Variants in ATP8A2 observed in about 807,000 individuals in gnomAD.
ATP8A2 encodes phospholipid-transporting ATPase IB.
Under a neutral mutation model 165.6 loss-of-function variants are expected in ATP8A2, and 100 were observed. That is an observed-to-expected ratio of 0.60 (90% CI 0.51 to 0.71). The LOEUF is 0.71. Ranked by LOEUF, ATP8A2 falls within the 30% of genes least tolerant of loss-of-function variation. The pLI is 0.00. For synonymous variants in ATP8A2, 543 were observed against 548.8 expected (o/e 0.99, Z 0.15); for missense variants, 1,227 against 1,479.5 (o/e 0.83, Z 2.80).
intron 34 of ATP8A2, among the ~76,000 whole-genome samples, chr13:25,963,799 A>C (rs1181248367): frequency 1.3e-5 from 2 of 152,210 alleles, no homozygotes; most frequent in East Asian, 3.9e-4. Context: ...GTGCGTTCTG[A>C]GTAATCATTC....
At chr13:25,577,752 T>G (rs6491068) in intron 20 of ATP8A2, among the ~76,000 whole-genome samples, 91,350 of 152,024 alleles carry the variant, frequency 0.6, 29,060 homozygotes, top group Middle Eastern at 0.71. Flanking sequence ...CTGTTAAATT[T>G]TAGTCTTATG....
chr13:25,388,564 C>T (rs764936186), intron 1 of ATP8A2, among the ~76,000 whole-genome samples: 2 of 152,116 alleles, frequency 1.3e-5, no homozygotes, highest in Non-Finnish European at 2.9e-5. Context: ...TGGAGCAGAA[C>T]AGGACAGGGA....
chr13:25,524,339 G>C (rs935222968), intron 2 of ATP8A2, among the ~76,000 whole-genome samples: 2 of 152,168 alleles, frequency 1.3e-5, no homozygotes, highest in African/African-American at 4.8e-5. Context: ...TTCTGCAGCA[G>C]TTGGGTGAAA....
intron 2 of ATP8A2, among the ~76,000 whole-genome samples, chr13:25,492,761 G>A (rs1213506773): frequency 1.3e-5 from 2 of 152,178 alleles, no homozygotes; most frequent in Non-Finnish European, 2.9e-5. Flanking sequence ...TCGTGGTGGG[G>A]AAAGTGTTTC....
At chr13:25,625,130 G>A (rs755792892) in intron 24 of ATP8A2, among the ~76,000 whole-genome samples, 24 of 152,190 alleles carry the variant, frequency 1.6e-4, no homozygotes, top group Admixed American at 5.9e-4. Context: ...ATTAGTTGTG[G>A]ATCTGAGGAT....
chr13:25,977,322 C>G (rs908204149), intron 35 of ATP8A2, among the ~76,000 whole-genome samples: 1 of 152,078 alleles, frequency 6.6e-6, no homozygotes, highest in African/African-American at 2.4e-5. Flanking sequence ...AGCTGGAGAG[C>G]CAACGACGCT....
rs544808422 is a variant in ATP8A2 at position 25,417,570 on chromosome 13, C to T, written c.76+45282C>T. Among the ~76,000 whole-genome samples, 156 of 100,516 alleles carry T rather than the reference C, an allele frequency of 1.6e-3. 1 individual carries two copies. The highest frequency in any genetic ancestry group is 5.2e-3 in the African/African-American group (138 of 26,682). 65.9% of individuals were successfully genotyped at this position (100,516 alleles called of 152,430 possible). A position where few individuals can be genotyped will look rare whatever the true frequency, so the allele number is the denominator to read the frequency against. ...CACTCCAAATTTGATAATTCTATAG[C>T]CCAATTGTTCAATTTAGACTTGTTA... On this transcript the variant is annotated intron_variant, in intron 1 of 36. Transcript: ENST00000381655.
At chr13:25,401,636 CAGT>C (rs1463596522) in intron 1 of ATP8A2, among the ~76,000 whole-genome samples, 6 of 152,080 alleles carry the variant, frequency 3.9e-5, no homozygotes, top group African/African-American at 1.2e-4. Context: ...AGGGAAAAAG[CAGT>C]AGATGTGTCC....
intron 27 of ATP8A2, among the ~76,000 whole-genome samples, chr13:25,786,456 T>C (rs1474234708): frequency 6.6e-6 from 1 of 152,222 alleles, no homozygotes; most frequent in Non-Finnish European, 1.5e-5. Context: ...CAGTGAAATA[T>C]TGATCAAAAT....
chr13:25,793,242 A>G (rs2045228349), intron 27 of ATP8A2, among the ~76,000 whole-genome samples: 1 of 152,228 alleles, frequency 6.6e-6, no homozygotes. Flanking sequence ...AGTGACCATC[A>G]GTACAAAGAC....
intron 35 of ATP8A2, among the ~76,000 whole-genome samples, chr13:26,009,547 T>A (rs1956802605): frequency 6.6e-6 from 1 of 152,156 alleles, no homozygotes; most frequent in African/African-American, 2.4e-5. Context: ...TATGGTCTAC[T>A]TTTAGGGGGA....
At chr13:25,596,657 C>T (rs75829829) in intron 24 of ATP8A2, among the ~76,000 whole-genome samples, 1,840 of 152,118 alleles carry the variant, frequency 0.012, 15 homozygotes, top group Non-Finnish European at 0.017. Context: ...TTTGTTTATT[C>T]GTTCACCTGT....
At chr13:25,714,935 TGCA>T in intron 25 of ATP8A2, among the ~76,000 whole-genome samples, 1 of 152,258 alleles carries the variant, frequency 6.6e-6, no homozygotes, top group African/African-American at 2.4e-5. Context: ...ATGTACTGAG[TGCA>T]GGGTGCTCTT....
At chr13:25,391,922 G>A (rs2033262583) in intron 1 of ATP8A2, among the ~76,000 whole-genome samples, 1 of 152,194 alleles carries the variant, frequency 6.6e-6, no homozygotes, top group Admixed American at 6.5e-5. Context: ...ATGCCAACAG[G>A]CATCTATCAC....
At chr13:25,437,122 G>T (rs2034802982) in intron 1 of ATP8A2, among the ~76,000 whole-genome samples, 1 of 152,038 alleles carries the variant, frequency 6.6e-6, no homozygotes, top group Non-Finnish European at 1.5e-5. Context: ...GTGTAAGATG[G>T]TATCTTATTG....
intron 25 of ATP8A2, among the ~76,000 whole-genome samples, chr13:25,717,473 A>G (rs942225382): frequency 1.3e-5 from 2 of 151,544 alleles, no homozygotes; most frequent in Non-Finnish European, 2.9e-5. Context: ...GCAGCAGCAG[A>G]CAAAACCAAA....
intron 33 of ATP8A2, among the ~76,000 whole-genome samples, chr13:25,877,886 A>G (rs1309599971): frequency 6.6e-6 from 1 of 152,230 alleles, no homozygotes; most frequent in Non-Finnish European, 1.5e-5. Flanking sequence ...CAAAGGGAAC[A>G]TGCTGCATTT....
chr13:25,546,672 G>A (rs765711169), intron 10 of ATP8A2, among the ~76,000 whole-genome samples: 8 of 152,068 alleles, frequency 5.3e-5, no homozygotes, highest in African/African-American at 9.7e-5. Flanking sequence ...TAATTACAGC[G>A]AACATAATTA....
intron 1 of ATP8A2, among the ~76,000 whole-genome samples, chr13:25,408,446 T>C (rs2033872817): frequency 6.6e-6 from 1 of 151,770 alleles, no homozygotes; most frequent in Non-Finnish European, 1.5e-5. Context: ...CCCTTCTGGG[T>C]TCCCACAGAC....
Sources: gnomAD v4.1 joint callset for allele counts (sites outside exome capture counted in the v4.1 genomes callset) on GRCh38, gnomAD v4.1.1 for gene constraint, MANE v1.5 for transcripts, NCBI Gene and HGNC (gene_info 2026-07-23, HGNC 2026-07-21) for gene names.